The following DSCAM variants were observed in gnomAD, a reference collection of about 807,000 sequenced individuals.
The protein encoded by DSCAM is DS cell adhesion molecule.
Under a neutral mutation model 217.7 loss-of-function variants are expected in DSCAM, and 47 were observed. The ratio of observed to expected loss-of-function variants is 0.22; its 90% CI spans 0.17 to 0.28. The LOEUF (loss-of-function observed/expected upper bound fraction) is 0.28, where lower values mean the gene tolerates loss of function less well. Ranked by LOEUF, DSCAM falls within the 10% of genes least tolerant of loss-of-function variation. The pLI, the probability that DSCAM is intolerant of heterozygous loss-of-function variation, is 1.00. For synonymous variants in DSCAM, 1,056 were observed against 1,015.3 expected, an observed-to-expected ratio of 1.04 and a Z score of -0.76; for missense variants, 2,080 against 2,618.3, an observed-to-expected ratio of 0.79 and a Z score of 4.49.
intron 9 of DSCAM, among the ~76,000 whole-genome samples, chr21:40,309,459 C>T (rs962167458): frequency 6.6e-6 from 1 of 152,130 alleles, no homozygotes; most frequent in Non-Finnish European, 1.5e-5. Context: ...TCCTCCTTTA[C>T]AGGCTGCTCC....
chr21:40,576,419 T>G (rs896863824), intron 3 of DSCAM, among the ~76,000 whole-genome samples: 4 of 152,284 alleles, frequency 2.6e-5, no homozygotes, highest in Non-Finnish European at 5.9e-5. Context: ...CACTGATAAT[T>G]ATGGGAGCAA....
chr21:40,313,109 GTC>G (rs2074157671), intron 8 of DSCAM, among the ~76,000 whole-genome samples: 1 of 131,010 alleles, frequency 7.6e-6, no homozygotes, highest in South Asian at 2.7e-4. Context: ...TCCAGCCTGT[GTC>G]TAAAAAACTA....
intron 16 of DSCAM, among the ~76,000 whole-genome samples, chr21:40,146,217 G>T (rs533343444): frequency 1.4e-3 from 216 of 151,580 alleles, no homozygotes; most frequent in African/African-American, 5.1e-3. Context: ...GTGAGTATGG[G>T]TGGTCTGAAG....
chr21:40,724,670 AGACT>A lies in DSCAM; in HGVS notation c.44-15903_44-15900del, dbSNP rs1303629128. Among the ~76,000 whole-genome samples the A allele has an allele frequency of 4.3e-4, 66 of 152,330 alleles. 1 individual carries two copies. The highest frequency in any genetic ancestry group is 1.4e-3 in the South Asian group (7 of 4,828). On this transcript the variant is annotated intron_variant, in intron 1 of 32. Coordinates refer to ENST00000400454, the MANE Select transcript of DSCAM (RefSeq NM_001389.5). Reference sequence around the variant, plus strand: ...AAAGAAGAAAATGAATTATAACCAGAGACTGACTGGTACCTCAGCATAAAAATGT... The same window carrying A: ...AAAGAAGAAAATGAATTATAACCAGAGACTGGTACCTCAGCATAAAAATGT...
chr21:40,717,705 A>G (rs34537168), intron 1 of DSCAM, among the ~76,000 whole-genome samples: 3,610 of 152,280 alleles, frequency 0.024, 60 homozygotes, highest in Middle Eastern at 0.034. Flanking sequence ...AGTGATGAAA[A>G]CCTGCTAAAA....
chr21:40,462,102 T>G lies in DSCAM; in HGVS notation c.509-92857A>C, dbSNP rs558262866. Reference sequence around the variant, plus strand: ...TGACCACAGGAAGATAAGGAGGCAGTAGGGAGCAGATGGGATTTTTAACCC... The same window carrying G: ...TGACCACAGGAAGATAAGGAGGCAGGAGGGAGCAGATGGGATTTTTAACCC... On this transcript the variant is annotated intron_variant, in intron 3 of 32. Coordinates refer to ENST00000400454, the MANE Select transcript of DSCAM (RefSeq NM_001389.5). 2.0e-5 allele frequency among the ~76,000 whole-genome samples: 3 copies of G among 152,274 alleles called. No homozygotes were observed. The South Asian group carries it at 6.2e-4, about 32-fold the overall frequency.
chr21:40,318,123 G>A (rs1215727480), intron 8 of DSCAM, among the ~76,000 whole-genome samples: 1 of 145,322 alleles, frequency 6.9e-6, no homozygotes, highest in East Asian at 2.1e-4. Context: ...CTCATAGATG[G>A]GAATTGAACA....
chr21:40,700,679 C>T (rs2090646114), intron 2 of DSCAM, among the ~76,000 whole-genome samples: 1 of 150,386 alleles, frequency 6.6e-6, no homozygotes, highest in East Asian at 1.9e-4. Context: ...TTGGGAAATA[C>T]TCTCTCCTCA....
chr21:40,156,229 C>T (rs2090474915), intron 16 of DSCAM, among the ~76,000 whole-genome samples: 1 of 148,772 alleles, frequency 6.7e-6, no homozygotes, highest in Non-Finnish European at 1.5e-5. Context: ...GGAAGGGACA[C>T]ACAGATGGGA....
At chr21:40,171,853 A>G (rs565675763) in intron 15 of DSCAM, among the ~76,000 whole-genome samples, 1 of 152,348 alleles carries the variant, frequency 6.6e-6, no homozygotes, top group African/African-American at 2.4e-5. Flanking sequence ...TGCCTATAAA[A>G]TTACAGTCCA....
At chr21:40,224,635 C>T (rs917178332) in intron 11 of DSCAM, among the ~76,000 whole-genome samples, 3 of 152,218 alleles carry the variant, frequency 2.0e-5, no homozygotes, top group Admixed American at 6.5e-5. Flanking sequence ...TATTGATGCA[C>T]AAATGAGCAA....
At chr21:40,360,234 A>G (rs975653544) in intron 4 of DSCAM, among the ~76,000 whole-genome samples, 3 of 144,470 alleles carry the variant, frequency 2.1e-5, no homozygotes, top group South Asian at 4.6e-4. Context: ...CGGGGTTCAC[A>G]CCATTCTCCT....
At chr21:40,480,123 G>A (rs887760760) in intron 3 of DSCAM, among the ~76,000 whole-genome samples, 3 of 152,190 alleles carry the variant, frequency 2.0e-5, no homozygotes, top group African/African-American at 7.2e-5. Context: ...TGAGGCAGAG[G>A]AAGGTCAAAC....
At chr21:40,124,414 C>A in intron 19 of DSCAM, 86 bp from the exon 20 acceptor site, 1 of 1,549,464 alleles carries the variant, frequency 6.5e-7, no homozygotes, top group Non-Finnish European at 8.8e-7. Context: ...CCACTCCGCA[C>A]TTACTGTTCA....
At chr21:40,035,981 C>A (rs2088614590) in intron 32 of DSCAM, among the ~76,000 whole-genome samples, 1 of 145,938 alleles carries the variant, frequency 6.9e-6, no homozygotes, top group Non-Finnish European at 1.5e-5. Flanking sequence ...AACAAAGACA[C>A]AACATACCAG....
chr21:40,657,615 C>T (rs575876595), intron 3 of DSCAM, among the ~76,000 whole-genome samples: 12 of 152,300 alleles, frequency 7.9e-5, no homozygotes, highest in African/African-American at 2.6e-4. Context: ...AATGTGACCA[C>T]TATTTTCTGG....
intron 3 of DSCAM, among the ~76,000 whole-genome samples, chr21:40,607,572 TG>T (rs57060553): frequency 0.016 from 2,391 of 152,214 alleles, 53 homozygotes; most frequent in African/African-American, 0.055. Flanking sequence ...CCACGTGTCA[TG>T]GGAGGGGCCC....
chr21:40,369,339 C>G (rs982082811), intron 3 of DSCAM, 94 bp from the exon 4 acceptor site: 2 of 1,301,222 alleles, frequency 1.5e-6, no homozygotes, highest in African/African-American at 3.0e-5. Context: ...TTTTCCCCCA[C>G]CTGAAGAAAC....
chr21:40,482,162 A>T (rs962505964), intron 3 of DSCAM, among the ~76,000 whole-genome samples: 35 of 152,228 alleles, frequency 2.3e-4, no homozygotes, highest in Non-Finnish European at 4.0e-4. Flanking sequence ...CTTGCATAGA[A>T]ATGAAGACCA....
Sources: gnomAD v4.1 joint callset for allele counts (sites outside exome capture counted in the v4.1 genomes callset) on GRCh38, gnomAD v4.1.1 for gene constraint, MANE v1.5 for transcripts, NCBI Gene and HGNC (gene_info 2026-07-23, HGNC 2026-07-21) for gene names.